Variants in PKHD1L1 observed in about 807,000 individuals in gnomAD.
PKHD1L1 encodes the protein fibrocystin-L.
In PKHD1L1, 434 loss-of-function variants were observed where a neutral mutation model predicts 462.9. The ratio of observed to expected loss-of-function variants is 0.94; its 90% CI spans 0.87 to 1.02. PKHD1L1 has a LOEUF of 1.02. Ranked by LOEUF, PKHD1L1 falls within the 50% of genes least tolerant of loss-of-function variation. The probability of loss-of-function intolerance (pLI) is 0.00; values close to 1 mark genes in which losing one functional copy is unlikely to be tolerated. For missense variants in PKHD1L1, 5,202 were observed against 5,096.1 expected, an observed-to-expected ratio of 1.02 and a Z score of -0.63; for synonymous variants, 1,781 against 1,750.0, an observed-to-expected ratio of 1.02 and a Z score of -0.44.
intron 62 of PKHD1L1, among the ~76,000 whole-genome samples, chr8:109,493,069 C>A (rs1818911133): frequency 6.6e-6 from 1 of 150,716 alleles, no homozygotes; most frequent in Non-Finnish European, 1.5e-5. Context: ...AAAGAGCTTG[C>A]ACCTGTAATC....
At chr8:109,427,529 C>G (rs1356291938) in intron 25 of PKHD1L1, among the ~76,000 whole-genome samples, 1 of 152,074 alleles carries the variant, frequency 6.6e-6, no homozygotes, top group Non-Finnish European at 1.5e-5. Context: ...TATCATTCTA[C>G]CACGAGAGCT....
intron 45 of PKHD1L1, among the ~76,000 whole-genome samples, chr8:109,455,394 G>A (rs1166071750): frequency 6.6e-6 from 1 of 152,026 alleles, no homozygotes; most frequent in East Asian, 1.9e-4. Flanking sequence ...CAGAACCAAG[G>A]TCACACTTGG....
chr8:109,367,077 A>G (rs1376259574), intron 2 of PKHD1L1, among the ~76,000 whole-genome samples: 2 of 152,240 alleles, frequency 1.3e-5, no homozygotes, highest in Non-Finnish European at 2.9e-5. Context: ...TATGTCAATC[A>G]TAGCTCAATA....
At chr8:109,494,779 CTT>C (rs1249932383) in intron 63 of PKHD1L1, among the ~76,000 whole-genome samples, 1 of 151,820 alleles carries the variant, frequency 6.6e-6, no homozygotes, top group African/African-American at 2.4e-5. Flanking sequence ...AGACTCAGTA[CTT>C]ATAATTGCAT....
rs1325846244 is a variant in PKHD1L1 at position 109,415,726 on chromosome 8, G to A, written c.2360+2181G>A. ...TAGCTGGGCATGGTGGTGCACACCT[G>A]TGGTCCCAGGTACTCAGGAGGCTGA... is the stretch of plus-strand genomic sequence containing the variant. On this transcript the variant is annotated intron_variant, in intron 21 of 77. Coordinates refer to ENST00000378402, the MANE Select transcript of PKHD1L1 (RefSeq NM_177531.6). 2.6e-5 allele frequency among the ~76,000 whole-genome samples: 4 copies of A among 152,034 alleles called. No individual in the cohort carries two copies. In the East Asian group the frequency reaches 7.7e-4, roughly 29 times the overall value.
chr8:109,459,819 C>A lies in PKHD1L1; in HGVS notation c.7229C>A (p.Pro2410His). ...VEWNNKIPAC[P>H]DGFDTGEFAT... ...TGGAATAACAAAATTCCTGCATGTCCTGATGGATTTGACACAGGTAATTTT... is the reference window on the plus strand; with the variant it reads ...TGGAATAACAAAATTCCTGCATGTCATGATGGATTTGACACAGGTAATTTT... Residue 2410 changes from proline to histidine, a missense_variant, in exon 47 of 78, where the codon CCT (proline) becomes CAT (histidine). Around this residue, in one of 3 missense-constraint regions of PKHD1L1, gnomAD observed 4,497 missense variants for 4,336.8 expected, o/e 1.04. Transcript: ENST00000378402. 1 of 1,610,392 alleles carries A rather than the reference C, an allele frequency of 6.2e-7. No homozygotes were observed. The highest frequency in any genetic ancestry group is 1.1e-5 in the South Asian group (1 of 90,618).
At chr8:109,456,730 A>G (rs931376386) in intron 46 of PKHD1L1, among the ~76,000 whole-genome samples, 3 of 152,218 alleles carry the variant, frequency 2.0e-5, no homozygotes, top group Non-Finnish European at 4.4e-5. Flanking sequence ...ATTTGGAAAT[A>G]TCTTAGAGTT....
chr8:109,407,304 A>T (rs1337181082), intron 17 of PKHD1L1, among the ~76,000 whole-genome samples: 2 of 152,210 alleles, frequency 1.3e-5, no homozygotes, highest in Non-Finnish European at 2.9e-5. Context: ...TAAAAAGTGT[A>T]CAAAAGTTAG....
intron 24 of PKHD1L1, among the ~76,000 whole-genome samples, chr8:109,426,120 A>G (rs903469089): frequency 2.0e-5 from 3 of 152,064 alleles, no homozygotes; most frequent in African/African-American, 7.2e-5. Flanking sequence ...TGACATTTTT[A>G]TGTTTTTGTC....
At chr8:109,405,166 T>C (rs1364258709) in intron 16 of PKHD1L1, 36 bp downstream of exon 16, 2 of 1,283,520 alleles carry the variant, frequency 1.6e-6, no homozygotes, top group South Asian at 1.5e-5. Context: ...ACTGTTTCTG[T>C]TCATGTATAG....
At chr8:109,383,994 G>A (rs1020132590) in intron 4 of PKHD1L1, 76 bp from the exon 5 acceptor site, 2 of 967,070 alleles carry the variant, frequency 2.1e-6, no homozygotes, top group Non-Finnish European at 3.3e-6. Context: ...ATTTAGTAAT[G>A]TAAGAAATTA....
chr8:109,368,344 T>C (rs1320044107), intron 2 of PKHD1L1, among the ~76,000 whole-genome samples: 1 of 152,220 alleles, frequency 6.6e-6, no homozygotes, highest in Non-Finnish European at 1.5e-5. Context: ...TCAATTCACC[T>C]TTGCCATTTC....
At chr8:109,436,307 G>A (rs765636931) in intron 29 of PKHD1L1, 31 bp from the exon 30 acceptor site, 4 of 1,594,428 alleles carry the variant, frequency 2.5e-6, no homozygotes, top group Non-Finnish European at 3.4e-6. Flanking sequence ...GAACTGTTTT[G>A]TTGTTGTTTT....
chr8:109,530,084 C>A lies in PKHD1L1; in HGVS notation c.12726C>A (p.Ser4242Arg). The change falls in exon 78 of 78, where the codon AGC (serine) becomes AGA (arginine). Residue 4242 changes from serine (S) to arginine (R), a missense_variant. Physicochemically the swap from Ser to Arg is moderately radical, Grantham distance 110. Coordinates refer to ENST00000378402, the MANE Select transcript of PKHD1L1 (RefSeq NM_177531.6). ...AVSTLNITLR[S>R]Y Reference sequence around the variant, plus strand: ...TGTATTGTTTCCATTTTTCAGGAAGCTACTAAAGTGCTGTTCCGAAGAATA... The same window carrying A: ...TGTATTGTTTCCATTTTTCAGGAAGATACTAAAGTGCTGTTCCGAAGAATA... 7.3e-7 allele frequency: 1 copy of A among 1,362,154 alleles called. No homozygotes were observed. The highest frequency in any genetic ancestry group is 9.7e-7 in the Non-Finnish European group (1 of 1,036,258). The allele number at this position is 1,362,154 out of a possible 1,614,324, so 84.4% of individuals were successfully genotyped here.
chr8:109,421,238 C>T (rs186774892), intron 23 of PKHD1L1, among the ~76,000 whole-genome samples: 65 of 151,748 alleles, frequency 4.3e-4, no homozygotes, highest in Admixed American at 9.2e-4. Context: ...TAATTTCCTA[C>T]CACAAACCAA....
Position 109,400,162 on chromosome 8 carries a change from G to A in PKHD1L1, c.1099G>A (p.Gly367Arg). Residue 367 changes from glycine to arginine, a missense_variant, in exon 13 of 78, where the codon GGG becomes AGG. Gly to Arg is a moderately radical substitution (Grantham distance 125). Coordinates refer to ENST00000378402, the MANE Select transcript of PKHD1L1 (RefSeq NM_177531.6). ...ACTGGAATACAATGAAAAAACGCCTGGGTACATGGGTGCCAGTTGGGTAGA... is the reference window on the plus strand; with the variant it reads ...ACTGGAATACAATGAAAAAACGCCTAGGTACATGGGTGCCAGTTGGGTAGA... ...EILEYNEKTP[G>R]YMGASWVDSA... The A allele has an allele frequency of 6.2e-7, 1 of 1,613,684 alleles. No homozygotes were observed. Among genetic ancestry groups the A allele is most frequent in the Non-Finnish European group, 8.5e-7 (1 of 1,179,694 alleles).
rs1161764503 is a variant in PKHD1L1 at position 109,419,266 on chromosome 8, T to C, written c.2524+6T>C. ...TACAATCTCAACATTGGATGGTATG[T>C]TGTATCATTTTATCTCTGCTTTAAT... On this transcript the variant is annotated splice_donor_region_variant and intron_variant, in intron 22 of 77. Coordinates refer to ENST00000378402, the MANE Select transcript of PKHD1L1 (RefSeq NM_177531.6). 1.3e-6 allele frequency: 2 copies of C among 1,573,010 alleles called. No homozygotes were observed. Among genetic ancestry groups the C allele is most frequent in the Non-Finnish European group, 1.7e-6 (2 of 1,156,006 alleles).
At chr8:109,395,948 T>C in intron 10 of PKHD1L1, 79 bp from the exon 11 acceptor site, 4 of 952,926 alleles carry the variant, frequency 4.2e-6, no homozygotes, top group Non-Finnish European at 6.5e-6. Flanking sequence ...GGCTAGGTAA[T>C]TTGGAATTTT....
At chr8:109,369,900 T>C (rs1357647501) in intron 2 of PKHD1L1, among the ~76,000 whole-genome samples, 1 of 152,210 alleles carries the variant, frequency 6.6e-6, no homozygotes, top group Admixed American at 6.5e-5. Flanking sequence ...GAAATTGGTA[T>C]TTATATTGTA....
Sources: gnomAD v4.1 joint callset for allele counts (sites outside exome capture counted in the v4.1 genomes callset) on GRCh38, gnomAD v4.1.1 for gene constraint, gnomAD v4.1.1 regional missense constraint, MANE v1.5 for transcripts, NCBI Gene and HGNC (gene_info 2026-07-23, HGNC 2026-07-21) for gene names.